The following ZMPSTE24 variants were observed in gnomAD, a reference collection of about 807,000 sequenced individuals.
The protein encoded by ZMPSTE24 is zinc metallopeptidase STE24.
ZMPSTE24 carries 48 observed loss-of-function variants against 56.7 expected under a neutral mutation model. The ratio of observed to expected loss-of-function variants is 0.85; its 90% CI spans 0.67 to 1.08. ZMPSTE24 has a LOEUF of 1.08. Ranked by LOEUF, ZMPSTE24 falls within the 50% of genes least tolerant of loss-of-function variation. ZMPSTE24 has a pLI of 0.00. For synonymous variants in ZMPSTE24, 172 were observed against 195.2 expected (o/e 0.88, Z 0.99); for missense variants, 503 against 548.7 (o/e 0.92, Z 0.83).
intron 9 of ZMPSTE24, 94 bp from the exon 10 acceptor site, chr1:40,292,351 C>T: frequency 8.0e-7 from 1 of 1,257,464 alleles, no homozygotes; most frequent in Non-Finnish European, 1.2e-6. Flanking sequence ...TCCTCTTATC[C>T]CAAGCCAAAC....
chr1:40,287,404 G>A (rs1365264410), intron 8 of ZMPSTE24, among the ~76,000 whole-genome samples: 1 of 152,052 alleles, frequency 6.6e-6, no homozygotes, highest in Non-Finnish European at 1.5e-5. Flanking sequence ...TATTGCCGGC[G>A]TGGTGGCTCA....
intron 7 of ZMPSTE24, among the ~76,000 whole-genome samples, chr1:40,283,944 T>G (rs79311940): frequency 6.7e-6 from 1 of 148,562 alleles, no homozygotes; most frequent in African/African-American, 2.5e-5. Flanking sequence ...TCTTTCTTTT[T>G]TTTTTTTTTT....
At chr1:40,266,831 G>A (rs1361209950) in intron 2 of ZMPSTE24, among the ~76,000 whole-genome samples, 1 of 129,206 alleles carries the variant, frequency 7.7e-6, no homozygotes, top group Non-Finnish European at 1.5e-5. Context: ...GTGCAGGCAC[G>A]ATCATGGCCC....
intron 1 of ZMPSTE24, 88 bp downstream of exon 1, chr1:40,258,482 C>CT: frequency 6.3e-7 from 1 of 1,599,522 alleles, no homozygotes; most frequent in Non-Finnish European, 8.5e-7. Context: ...TTGATTGCTT[C>CT]GGTCCCCGCG....
rs71577619 is a variant in ZMPSTE24 at position 40,273,537 on chromosome 1, AATATATATATATAT to A, written c.769+1521_769+1534del. Among the ~76,000 whole-genome samples the A allele has an allele frequency of 5.1e-3, 63 of 12,386 alleles. 1 individual carries two copies. Among genetic ancestry groups the A allele is most frequent in the African/African-American group, 0.011 (58 of 5,442 alleles). 8.1% of individuals were successfully genotyped at this position (12,386 alleles called of 152,430 possible). On this transcript the variant is annotated intron_variant, in intron 6 of 9. Transcript: ENST00000372759. ...TGTCTAAAAAAAAAAAAAAAAAAAAAATATATATATATATATATATATATATATATATGTCAGAC... is the reference window on the plus strand; with the variant it reads ...TGTCTAAAAAAAAAAAAAAAAAAAAAATATATATATATATATATGTCAGAC...
chr1:40,259,847 C>T (rs1449353743), intron 1 of ZMPSTE24, among the ~76,000 whole-genome samples: 1 of 152,048 alleles, frequency 6.6e-6, no homozygotes, highest in African/African-American at 2.4e-5. Context: ...CATCTTGCCG[C>T]CTCCACCTCC....
Position 40,269,972 on chromosome 1 carries a change from C to G in ZMPSTE24, c.475-3C>G. The G allele has an allele frequency of 6.2e-7, 1 of 1,602,334 alleles. No individual in the cohort carries two copies. Among genetic ancestry groups the G allele is most frequent in the Non-Finnish European group, 8.5e-7 (1 of 1,176,912 alleles). On this transcript the variant is annotated splice_region_variant and splice_polypyrimidine_tract_variant and intron_variant, in intron 4 of 9. Transcript: ENST00000372759. ...TTCTTGTGGTAATGTTTTCTTTTTG[C>G]AGACTTTGGGGTTCTTCATGAAAGA...
chr1:40,262,352 CAA>C (rs1643505717), intron 2 of ZMPSTE24, among the ~76,000 whole-genome samples: 1 of 152,126 alleles, frequency 6.6e-6, no homozygotes, highest in East Asian at 1.9e-4. Flanking sequence ...ATTTGGAAAA[CAA>C]AGTCTCATTG....
In ZMPSTE24 at chr1:40,261,960, T is replaced by C. The variant is rs375042896; in HGVS notation, c.270+975T>C. On this transcript the variant is annotated intron_variant, in intron 2 of 9. Coordinates refer to ENST00000372759, the MANE Select transcript of ZMPSTE24 (RefSeq NM_005857.5). The stretch of plus-strand genomic sequence containing the variant: ...TCTTGACCTCGTGATCTGCCTGCCT[T>C]GGCCTCCCAAAGTACTGGGATTACA... Among the ~76,000 whole-genome samples the C allele has an allele frequency of 7.9e-5, 12 of 152,296 alleles. 1 individual carries two copies. The highest frequency in any genetic ancestry group is 3.9e-4 in the East Asian group (2 of 5,176).
intron 6 of ZMPSTE24, among the ~76,000 whole-genome samples, chr1:40,276,583 C>T (rs1333299651): frequency 3.9e-5 from 6 of 152,300 alleles, no homozygotes; most frequent in African/African-American, 1.4e-4. Context: ...TTGGAGTTCT[C>T]AAATATGTTA....
At chr1:40,261,533 G>A (rs550550836) in intron 2 of ZMPSTE24, among the ~76,000 whole-genome samples, 50 of 152,110 alleles carry the variant, frequency 3.3e-4, no homozygotes, top group Admixed American at 1.9e-3. Flanking sequence ...GGGATTATAG[G>A]CATGAGCCAC....
intron 7 of ZMPSTE24, among the ~76,000 whole-genome samples, chr1:40,283,080 A>G (rs1010522497): frequency 2.6e-5 from 4 of 152,228 alleles, no homozygotes; most frequent in Non-Finnish European, 5.9e-5. Flanking sequence ...CCTGTTATAA[A>G]TACGTAGATG....
At chr1:40,283,863 A>G (rs552489157) in intron 7 of ZMPSTE24, among the ~76,000 whole-genome samples, 8 of 150,146 alleles carry the variant, frequency 5.3e-5, no homozygotes, top group African/African-American at 2.0e-4. Context: ...CCTCTTTTCC[A>G]TTTTAAATAT....
chr1:40,276,664 C>T (rs1481267594), intron 6 of ZMPSTE24, among the ~76,000 whole-genome samples: 2 of 152,186 alleles, frequency 1.3e-5, no homozygotes, highest in Admixed American at 6.5e-5. Context: ...TCATGCATTG[C>T]TTAATAATGG....
chr1:40,261,474 C>T (rs1457359484), intron 2 of ZMPSTE24, among the ~76,000 whole-genome samples: 7 of 151,822 alleles, frequency 4.6e-5, no homozygotes, highest in Admixed American at 6.6e-5. Flanking sequence ...CTCAGCCTCC[C>T]GAGTAGTTGG....
At chr1:40,269,168 G>T (rs1223497651) in intron 4 of ZMPSTE24, among the ~76,000 whole-genome samples, 1 of 151,946 alleles carries the variant, frequency 6.6e-6, no homozygotes, top group Non-Finnish European at 1.5e-5. Flanking sequence ...AGGCTAAGGC[G>T]GGAGGATCAC....
chr1:40,280,265 T>G (rs1643714579), intron 6 of ZMPSTE24, among the ~76,000 whole-genome samples: 1 of 152,126 alleles, frequency 6.6e-6, no homozygotes, highest in African/African-American at 2.4e-5. Context: ...GCTCCTCATC[T>G]TCAAGGCTCT....
intron 8 of ZMPSTE24, among the ~76,000 whole-genome samples, chr1:40,289,551 G>A (rs1315565869): frequency 6.6e-6 from 1 of 152,172 alleles, no homozygotes; most frequent in Non-Finnish European, 1.5e-5. Flanking sequence ...CAGCTGGTGA[G>A]CCTTCTTATG....
chr1:40,266,887 C>A (rs1643554843), intron 2 of ZMPSTE24, among the ~76,000 whole-genome samples: 1 of 150,184 alleles, frequency 6.7e-6, no homozygotes, highest in Non-Finnish European at 1.5e-5. Flanking sequence ...TCTACCTCAG[C>A]TCCCCCGAGT....
Sources: gnomAD v4.1 joint callset for allele counts (sites outside exome capture counted in the v4.1 genomes callset) on GRCh38, gnomAD v4.1.1 for gene constraint, MANE v1.5 for transcripts, NCBI Gene and HGNC (gene_info 2026-07-23, HGNC 2026-07-21) for gene names.